The following PIWIL3 variants were observed in gnomAD, a reference collection of about 807,000 sequenced individuals.
PIWIL3 encodes the protein piwi-like protein 3.
Under a neutral mutation model 109.7 loss-of-function variants are expected in PIWIL3, and 101 were observed. That is an observed-to-expected ratio of 0.92 (90% confidence interval 0.78 to 1.09). The LOEUF is 1.09. Ranked by LOEUF, PIWIL3 falls within the 50% of genes least tolerant of loss-of-function variation. The pLI, the probability that PIWIL3 is intolerant of heterozygous loss-of-function variation, is 0.00. For missense variants in PIWIL3, 1,031 were observed against 1,072.6 expected (o/e 0.96, Z 0.54); for synonymous variants, 373 against 376.4 (o/e 0.99, Z 0.10).
At chr22:24,762,790 G>C (rs951992565) in intron 1 of PIWIL3, among the ~76,000 whole-genome samples, 1 of 152,124 alleles carries the variant, frequency 6.6e-6, no homozygotes, top group Non-Finnish European at 1.5e-5. Flanking sequence ...AAACTGAGGA[G>C]GCCGGACTCT....
At chr22:24,763,218 C>G (rs1925555211) in intron 1 of PIWIL3, among the ~76,000 whole-genome samples, 1 of 151,336 alleles carries the variant, frequency 6.6e-6, no homozygotes. Flanking sequence ...AATCTCAGCT[C>G]ACTGCAACCT....
chr22:24,735,021 C>T (rs1364899461), intron 13 of PIWIL3, among the ~76,000 whole-genome samples: 1 of 151,220 alleles, frequency 6.6e-6, no homozygotes, highest in Admixed American at 6.6e-5. Context: ...TCTAAAAAGG[C>T]AAAACCATGG....
chr22:24,772,800 T>C (rs900946567), intron 1 of PIWIL3, among the ~76,000 whole-genome samples: 8 of 152,138 alleles, frequency 5.3e-5, no homozygotes, highest in African/African-American at 1.9e-4. Context: ...AGAGAAAGTT[T>C]TAAGGCTGGG....
In PIWIL3 at chr22:24,725,502, A is replaced by C. The variant is rs1258145450; in HGVS notation, c.2023T>G (p.Cys675Gly). ...NAELTKWYSQ[C>G]VIQKTGEELV... Reference sequence around the variant, plus strand: ...TCTTCTCCTGTTTTCTGGATGACACATTGAGAGTACCACCTGTTCACAGAA... The same window carrying C: ...TCTTCTCCTGTTTTCTGGATGACACCTTGAGAGTACCACCTGTTCACAGAA... The change falls in exon 17 of 21, where the codon TGT (cysteine) becomes GGT (glycine). Residue 675 changes from cysteine (C) to glycine (G), a missense_variant. Cys to Gly is a radical substitution (Grantham distance 159). Coordinates refer to ENST00000616349, the MANE Select transcript of PIWIL3 (RefSeq NM_001255975.1). The C allele has an allele frequency of 6.2e-7, 1 of 1,614,132 alleles. No individual in the cohort carries two copies. Among genetic ancestry groups the C allele is most frequent in the Non-Finnish European group, 8.5e-7 (1 of 1,180,040 alleles).
At chr22:24,765,427 T>A (rs1375331103) in intron 1 of PIWIL3, among the ~76,000 whole-genome samples, 4 of 152,240 alleles carry the variant, frequency 2.6e-5, no homozygotes, top group Admixed American at 2.6e-4. Context: ...TTGGCAGTGT[T>A]TTGGTTCAGA....
At chr22:24,764,078 C>G (rs890765833) in intron 1 of PIWIL3, among the ~76,000 whole-genome samples, 1 of 152,332 alleles carries the variant, frequency 6.6e-6, no homozygotes, top group Middle Eastern at 3.4e-3. Flanking sequence ...GGGAAATACA[C>G]GGACCAGCCC....
At chr22:24,734,039 G>A (rs1415978787) in intron 14 of PIWIL3, 45 bp downstream of exon 14, 1 of 1,562,382 alleles carries the variant, frequency 6.4e-7, no homozygotes, top group Non-Finnish European at 8.6e-7. Flanking sequence ...AAGATGGTTT[G>A]GAACAATAAC....
chr22:24,734,541 G>A (rs1923543156), intron 13 of PIWIL3, among the ~76,000 whole-genome samples: 1 of 152,110 alleles, frequency 6.6e-6, no homozygotes. Flanking sequence ...ACAGTTCCTG[G>A]GTCAGACCAC....
rs373835104 is a variant in PIWIL3, at chr22:24,728,177, G to A, written c.1905C>T (p.Asp635=). The change falls in exon 15 of 21, where the codon GAC becomes GAT. Residue 635 remains aspartate, a splice_region_variant and synonymous_variant. Coordinates refer to ENST00000616349, the MANE Select transcript of PIWIL3 (RefSeq NM_001255975.1). ...MGGALWKVET[D]VQRTMFVGID... ...ACGAAGTCAGTGAAATACAACATACGTCTGTCTCCACCTTCCAGAGGGCTC... is the reference window on the plus strand; with the variant it reads ...ACGAAGTCAGTGAAATACAACATACATCTGTCTCCACCTTCCAGAGGGCTC... 34 of 1,613,820 alleles carry A rather than the reference G, an allele frequency of 2.1e-5. 1 individual carries two copies. The highest frequency in any genetic ancestry group is 6.7e-5 in the Admixed American group (4 of 60,016).
At chr22:24,737,530 G>A (rs999230244) in intron 12 of PIWIL3, among the ~76,000 whole-genome samples, 1 of 152,212 alleles carries the variant, frequency 6.6e-6, no homozygotes, top group Non-Finnish European at 1.5e-5. Context: ...TGGCTATGGG[G>A]AGAGACTCCT....
At chr22:24,723,849 G>C (rs144012266) in intron 18 of PIWIL3, among the ~76,000 whole-genome samples, 1 of 152,020 alleles carries the variant, frequency 6.6e-6, no homozygotes, top group African/African-American at 2.4e-5. Flanking sequence ...TAATTCTTGT[G>C]TTTTTATTAG....
rs1926301413 is a variant in PIWIL3 at position 24,774,331 on chromosome 22, C to T, written c.-32G>A. The T allele has an allele frequency of 6.6e-6, 1 of 152,082 alleles. No individual in the cohort carries two copies. The highest frequency in any genetic ancestry group is 1.5e-5 in the Non-Finnish European group (1 of 68,060). 9.4% of individuals were successfully genotyped at this position (152,082 alleles called of 1,614,324 possible). A position where few individuals can be genotyped will look rare whatever the true frequency, so the allele number is the denominator to read the frequency against. ...CACACACCATACTCACTTATCTGGT[C>T]ACATATTTCCTTAGAAGCTTCAGTA... On this transcript the variant is annotated 5_prime_UTR_variant, in exon 1 of 21. It removes the in-frame stop codon of an upstream open reading frame in the 5' UTR. Transcript: ENST00000616349.
At chr22:24,758,383 T>C (rs1925219299) in intron 3 of PIWIL3, among the ~76,000 whole-genome samples, 1 of 152,210 alleles carries the variant, frequency 6.6e-6, no homozygotes, top group African/African-American at 2.4e-5. Context: ...CATCATAAAA[T>C]GCCAAATAAG....
At chr22:24,724,811 A>T in intron 18 of PIWIL3, 76 bp downstream of exon 18, 1 of 1,474,630 alleles carries the variant, frequency 6.8e-7, no homozygotes, top group South Asian at 1.3e-5. Context: ...GGCTCAAGGG[A>T]TCTGCCCACC....
intron 6 of PIWIL3, among the ~76,000 whole-genome samples, 179 bp downstream of exon 6, chr22:24,755,591 TTGAGGATAAGCCAC>T (rs1481568030): frequency 1.3e-5 from 2 of 152,150 alleles, no homozygotes; most frequent in East Asian, 3.8e-4. Context: ...GAGAAGAACA[TTGAGGATAAGCCAC>T]TGAACTTGCA....
At position 24,741,439 on chromosome 22, in the gene PIWIL3, G is replaced by A. The variant is rs144193322; in HGVS notation, c.1450-5547C>T. 2.1e-3 allele frequency among the ~76,000 whole-genome samples: 318 copies of A among 152,278 alleles called. 3 individuals carry two copies. Among genetic ancestry groups the A allele is most frequent in the African/African-American group, 7.0e-3 (292 of 41,544 alleles). On this transcript the variant is annotated intron_variant, in intron 12 of 20. Transcript: ENST00000616349. ...GAATCACTTGAACCCAACAGGCAGA[G>A]GTTGTAGTGAACCAAGGTTGTGCCA...
At chr22:24,765,849 A>G (rs571931070) in intron 1 of PIWIL3, among the ~76,000 whole-genome samples, 7 of 150,922 alleles carry the variant, frequency 4.6e-5, no homozygotes, top group Admixed American at 3.9e-4. Flanking sequence ...AGTTGTGTAA[A>G]AAATGGGGAA....
In PIWIL3 at chr22:24,751,422, C is replaced by T. The variant is rs148373251; in HGVS notation, c.1054G>A (p.Gly352Ser). The change falls in exon 9 of 21, where the codon GGC becomes AGC. Residue 352 changes from glycine to serine, a missense_variant. Gly to Ser is a moderately conservative substitution (Grantham distance 56). Coordinates refer to ENST00000616349, the MANE Select transcript of PIWIL3 (RefSeq NM_001255975.1). ...TAGTCTATATAGGTGATTTTGCTGCCATCTGATTTGTTAAATGTGTCTTCA... is the reference window on the plus strand; with the variant it reads ...TAGTCTATATAGGTGATTTTGCTGCTATCTGATTTGTTAAATGTGTCTTCA... ...NPEDTFNKSDGSKITYIDYYR... is the reference protein window; with the variant it reads ...NPEDTFNKSDSSKITYIDYYR... 3 of 1,613,876 alleles carry T rather than the reference C, an allele frequency of 1.9e-6. No individual in the cohort carries two copies. The highest frequency in any genetic ancestry group is 1.3e-5 in the African/African-American group (1 of 75,010).
chr22:24,757,524 T>A (rs1925122363), intron 4 of PIWIL3, among the ~76,000 whole-genome samples: 2 of 144,218 alleles, frequency 1.4e-5, no homozygotes, highest in Admixed American at 1.4e-4. Flanking sequence ...GGTAGCTCAT[T>A]CCTGTAATCT....
Sources: gnomAD v4.1 joint callset for allele counts (sites outside exome capture counted in the v4.1 genomes callset) on GRCh38, gnomAD v4.1.1 for gene constraint, MANE v1.5 for transcripts, NCBI Gene and HGNC (gene_info 2026-07-23, HGNC 2026-07-21) for gene names.